PTPN23: variants seen among roughly 807,000 people sequenced by gnomAD.
PTPN23 encodes protein tyrosine phosphatase non-receptor type 23.
Under a neutral mutation model 156.3 loss-of-function variants are expected in PTPN23, and 72 were observed. That is an observed-to-expected ratio of 0.46 (90% CI 0.38 to 0.56). The LOEUF (loss-of-function observed/expected upper bound fraction) is 0.56, where lower values mean the gene tolerates loss of function less well. Among genes scored for constraint, PTPN23 ranks in the 20% least tolerant of loss-of-function variants. PTPN23 has a pLI of 0.00. For synonymous variants in PTPN23, 957 were observed against 899.6 expected (o/e 1.06, Z -1.14); for missense variants, 1,974 against 2,171.5 (o/e 0.91, Z 1.81).
At chr3:47,408,722 A>C in intron 15 of PTPN23, 54 bp from the exon 16 acceptor site, 3 of 1,543,014 alleles carry the variant, frequency 1.9e-6, no homozygotes, top group East Asian at 4.5e-5. Context: ...GGAGGGGCCC[A>C]TGGGTGCCCG....
Position 47,405,101 on chromosome 3 carries a change from C to T in PTPN23, c.364+20C>T, listed in dbSNP as rs534005915. The T allele has an allele frequency of 1.2e-5, 19 of 1,610,632 alleles. No homozygotes were observed. In the African/African-American group the frequency reaches 2.3e-4, roughly 19 times the overall value. ...ACCTTGGTGAGCTGCCTGATCCCTT[C>T]CCCCGGCCCTACTCCCCAGTCCTGC... is the stretch of plus-strand genomic sequence containing the variant. On this transcript the variant is annotated intron_variant, in intron 4 of 24. Coordinates refer to ENST00000265562, the MANE Select transcript of PTPN23 (RefSeq NM_015466.4). This position sits in a 1 kb window ranked among gnomAD's most constrained non-coding sequence, Gnocchi z 4.7.
At position 47,406,284 on chromosome 3, in the gene PTPN23, C is replaced by T. The variant is rs1705121395; in HGVS notation, c.547-41C>T. 7 of 1,607,452 alleles carry T rather than the reference C, an allele frequency of 4.4e-6. No individual in the cohort carries two copies. The highest frequency in any genetic ancestry group is 6.0e-6 in the Non-Finnish European group (7 of 1,175,598). ...GATAAAGGGAAGGGGAAGCGGGAGG[C>T]CTTGGGTGAGCGAGGGAGTGCACCT... On this transcript the variant is annotated intron_variant, in intron 6 of 24. Transcript: ENST00000265562. This position sits in a 1 kb window ranked among gnomAD's most constrained non-coding sequence, Gnocchi z 5.8.
intron 1 of PTPN23, among the ~76,000 whole-genome samples, chr3:47,389,576 C>T (rs1335522059): frequency 6.6e-6 from 1 of 152,208 alleles, no homozygotes; most frequent in East Asian, 1.9e-4. Context: ...CGCAGTGGCT[C>T]ACGCCTGTAA....
In PTPN23 at chr3:47,411,126, C is replaced by G. The variant is rs1411229809; in HGVS notation, c.3328C>G (p.Leu1110Val). Residue 1110 changes from leucine (L) to valine (V), a missense_variant, in exon 20 of 25, where the codon CTG becomes GTG. Leu to Val is a conservative substitution (Grantham distance 32). Transcript: ENST00000265562. The surrounding 1 kb of genome is among the most constrained non-coding windows in gnomAD (Gnocchi z 6.3). ...RPPAAEPPPC[L>V]RRGAAAADLL... ...CCCAGCAGCAGAACCACCCCCTTGCCTGCGCCGAGGCGCCGCAGCTGCAGA... is the reference window on the plus strand; with the variant it reads ...CCCAGCAGCAGAACCACCCCCTTGCGTGCGCCGAGGCGCCGCAGCTGCAGA... 1 of 1,602,576 alleles carries G rather than the reference C, an allele frequency of 6.2e-7. No homozygotes were observed. The highest frequency in any genetic ancestry group is 1.7e-5 in the Admixed American group (1 of 58,900).
Position 47,411,857 on chromosome 3 carries a change from C to T in PTPN23, c.3963C>T (p.Ser1321=). ...MVHGALSLAL[S]SVRSTETHVE... ...ACGGTGCCCTGAGCCTGGCATTGAG[C>T]AGCGTCCGCAGCACCGAAACCCATG... The change falls in exon 21 of 25, where the codon AGC becomes AGT. Residue 1321 remains serine, a synonymous_variant. Transcript: ENST00000265562. The surrounding 1 kb of genome is among the most constrained non-coding windows in gnomAD (Gnocchi z 6.3). 2 of 1,613,222 alleles carry T rather than the reference C, an allele frequency of 1.2e-6. No homozygotes were observed. Among genetic ancestry groups the T allele is most frequent in the Middle Eastern group, 1.6e-4 (1 of 6,062 alleles).
intron 14 of PTPN23, 25 bp from the exon 15 acceptor site, chr3:47,408,320 C>A (rs577381303): frequency 6.2e-7 from 1 of 1,608,950 alleles, no homozygotes; most frequent in African/African-American, 1.3e-5. Context: ...ACCCAGCACC[C>A]ACCTGGCCCT....
At position 47,406,638 on chromosome 3, in the gene PTPN23, G is replaced by C. The variant is rs1364390459; in HGVS notation, c.759+26G>C. 1.2e-6 allele frequency: 2 copies of C among 1,613,926 alleles called. No individual in the cohort carries two copies. The highest frequency in any genetic ancestry group is 1.7e-6 in the Non-Finnish European group (2 of 1,179,966). On this transcript the variant is annotated intron_variant, in intron 8 of 24. Transcript: ENST00000265562. The surrounding 1 kb of genome is among the most constrained non-coding windows in gnomAD (Gnocchi z 5.8). The stretch of plus-strand genomic sequence containing the variant: ...GTGAGGGCCTGGGGCCCCAGGGCGG[G>C]GCAGGGCGGGGCTGAGTGGCCACAG...
chr3:47,405,519 C>A lies in PTPN23; in HGVS notation c.365-230C>A, dbSNP rs562475547. The stretch of plus-strand genomic sequence containing the variant: ...ATCCCTGAAGCTTCAAGATTGGACC[C>A]CTTGGACAGGAGCCCTTCCATCCTC... On this transcript the variant is annotated intron_variant, in intron 4 of 24. Coordinates refer to ENST00000265562, the MANE Select transcript of PTPN23 (RefSeq NM_015466.4). This position sits in a 1 kb window ranked among gnomAD's most constrained non-coding sequence, Gnocchi z 4.7. 5.0e-5 allele frequency: 29 copies of A among 582,390 alleles called. No homozygotes were observed. The highest frequency in any genetic ancestry group is 4.7e-4 in the African/African-American group (25 of 53,328). 36.1% of individuals were successfully genotyped at this position (582,390 alleles called of 1,614,324 possible).
chr3:47,403,055 C>A (rs953319340), intron 2 of PTPN23, among the ~76,000 whole-genome samples: 3 of 138,476 alleles, frequency 2.2e-5, no homozygotes, highest in Non-Finnish European at 4.8e-5. Context: ...TTGTTACATT[C>A]TTTTTTTTTT....
rs746622737 is a variant in PTPN23 at position 47,412,987 on chromosome 3, G to GC, written c.4719dup (p.Ser1574LeufsTer31). The GC allele has an allele frequency of 1.2e-6, 2 of 1,611,412 alleles. No homozygotes were observed. Among genetic ancestry groups the GC allele is most frequent in the East Asian group, 2.2e-5 (1 of 44,792 alleles). ...CAGTGCCTGAAGCCCCCAGCTCGGG[G>GC]CCCCCCTCCTCCTCCCTGGAATTGC... is the stretch of plus-strand genomic sequence containing the variant. On this transcript the variant is annotated frameshift_variant, in exon 25 of 25. Coordinates refer to ENST00000265562, the MANE Select transcript of PTPN23 (RefSeq NM_015466.4). LOFTEE classifies it high-confidence loss of function.
rs560276745 is a variant in PTPN23, at chr3:47,411,928, G to A, written c.4034G>A (p.Arg1345His). The A allele has an allele frequency of 1.9e-5, 31 of 1,613,120 alleles. 1 individual carries two copies. Among genetic ancestry groups the A allele is most frequent in the South Asian group, 9.9e-5 (9 of 91,008 alleles). ...CAGTTCCGAGACCAGAGCCTCAAGC[G>A]CTCTCTTGTGCACCTGCACTTCCCC... Reference protein sequence around the residue: ...SLQFRDQSLKRSLVHLHFPTW... With the variant: ...SLQFRDQSLKHSLVHLHFPTW... Residue 1345 changes from arginine (R) to histidine (H), a missense_variant, in exon 21 of 25, where the codon CGC (arginine) becomes CAC (histidine). Arg to His is a conservative substitution (Grantham distance 29). Coordinates refer to ENST00000265562, the MANE Select transcript of PTPN23 (RefSeq NM_015466.4). This position sits in a 1 kb window ranked among gnomAD's most constrained non-coding sequence, Gnocchi z 6.3.
chr3:47,400,354 G>A (rs1039028184), intron 2 of PTPN23, among the ~76,000 whole-genome samples: 1 of 152,192 alleles, frequency 6.6e-6, no homozygotes, highest in Non-Finnish European at 1.5e-5. Flanking sequence ...GACAGGTGCA[G>A]GGGATGCTAT....
rs1173925552 is a variant in PTPN23, at chr3:47,411,929, C to T, written c.4035C>T (p.Arg1345=). 6.2e-7 allele frequency: 1 copy of T among 1,613,122 alleles called. No homozygotes were observed. The highest frequency in any genetic ancestry group is 1.3e-5 in the African/African-American group (1 of 74,938). Residue 1345 remains arginine, a synonymous_variant, in exon 21 of 25, where the codon CGC becomes CGT. Coordinates refer to ENST00000265562, the MANE Select transcript of PTPN23 (RefSeq NM_015466.4). This position sits in a 1 kb window ranked among gnomAD's most constrained non-coding sequence, Gnocchi z 6.3. ...AGTTCCGAGACCAGAGCCTCAAGCG[C>T]TCTCTTGTGCACCTGCACTTCCCCA... ...SLQFRDQSLK[R]SLVHLHFPTW...
intron 2 of PTPN23, among the ~76,000 whole-genome samples, chr3:47,401,550 G>GA (rs1704994496): frequency 6.6e-6 from 1 of 152,140 alleles, no homozygotes; most frequent in African/African-American, 2.4e-5. Context: ...AGTGAGTATT[G>GA]AAAAAAACTG....
intron 1 of PTPN23, among the ~76,000 whole-genome samples, chr3:47,390,404 G>A (rs116251332): frequency 0.012 from 1,837 of 152,130 alleles, 16 homozygotes; most frequent in Middle Eastern, 0.058. Flanking sequence ...TTCAGAAAAG[G>A]ATCCCCAGCT....
At chr3:47,395,017 T>G (rs1704849663) in intron 1 of PTPN23, among the ~76,000 whole-genome samples, 6 of 152,184 alleles carry the variant, frequency 3.9e-5, no homozygotes, top group Admixed American at 3.9e-4. Context: ...GGGAAAGGGT[T>G]GCTTGATGCT....
intron 2 of PTPN23, among the ~76,000 whole-genome samples, chr3:47,400,458 G>A (rs1395710151): frequency 6.6e-6 from 1 of 152,234 alleles, no homozygotes; most frequent in Non-Finnish European, 1.5e-5. Context: ...AGAACCACAG[G>A]GGGCTGCATT....
In PTPN23 at chr3:47,413,101, T is replaced by A. The variant is rs764981640; in HGVS notation, c.4827T>A (p.His1609Gln). 1.2e-6 allele frequency: 2 copies of A among 1,612,908 alleles called. No homozygotes were observed. The highest frequency in any genetic ancestry group is 1.7e-6 in the Non-Finnish European group (2 of 1,180,026). Residue 1609 changes from histidine to glutamine, a missense_variant, in exon 25 of 25, where the codon CAT (histidine) becomes CAA (glutamine). Around this residue, in one of 4 missense-constraint regions of PTPN23, gnomAD observed 484 missense variants for 516.0 expected, o/e 0.94. Coordinates refer to ENST00000265562, the MANE Select transcript of PTPN23 (RefSeq NM_015466.4). ...GCAAGCATAACTTTCTGCAGGCCCA[T>A]AACGGGCAAGGGCTGCGGGCCACCC... ...RMSKHNFLQAHNGQGLRATRP... is the reference protein window; with the variant it reads ...RMSKHNFLQAQNGQGLRATRP...
chr3:47,387,568 C>G (rs1157604309), intron 1 of PTPN23, among the ~76,000 whole-genome samples: 1 of 26,792 alleles, frequency 3.7e-5, no homozygotes, highest in African/African-American at 8.0e-5. Context: ...GAGACCCTGT[C>G]TCAAAAAAAA....
Sources: allele counts gnomAD v4.1 joint callset (sites outside exome capture counted in the v4.1 genomes callset), GRCh38; gene constraint gnomAD v4.1.1; regional missense constraint gnomAD v4.1.1; non-coding constraint Gnocchi (gnomAD v3.1); transcripts MANE v1.5; gene names NCBI Gene and HGNC (gene_info 2026-07-23, HGNC 2026-07-21).